The following ZMYND8 variants were observed in gnomAD, a reference collection of about 807,000 sequenced individuals.
ZMYND8 encodes zinc finger MYND-type containing 8, also known as MYND-type zinc finger-containing chromatin reader ZMYND8.
A neutral mutation model predicts 140.8 loss-of-function variants in ZMYND8; 37 were observed. The observed-to-expected ratio is 0.26, with a 90% confidence interval of 0.20 to 0.35. The LOEUF (loss-of-function observed/expected upper bound fraction) is 0.35, where lower values mean the gene tolerates loss of function less well. Ranked by LOEUF, ZMYND8 falls within the 10% of genes least tolerant of loss-of-function variation. The pLI, the probability that ZMYND8 is intolerant of heterozygous loss-of-function variation, is 1.00. For missense variants in ZMYND8, 1,068 were observed against 1,570.0 expected (o/e 0.68, Z 5.40); for synonymous variants, 592 against 597.1 (o/e 0.99, Z 0.12).
chr20:47,346,808 A>G (rs767689680), intron 2 of ZMYND8, among the ~76,000 whole-genome samples: 1 of 152,130 alleles, frequency 6.6e-6, no homozygotes, highest in Non-Finnish European at 1.5e-5. Context: ...GGGTTTCACC[A>G]TGTTGGCCAG....
At chr20:47,280,139 A>G (rs73624611) in intron 10 of ZMYND8, among the ~76,000 whole-genome samples, 171 of 148,830 alleles carry the variant, frequency 1.1e-3, no homozygotes, top group Non-Finnish European at 1.5e-3. Flanking sequence ...AAAAAAAAAA[A>G]AAAAGAATGG....
chr20:47,238,648 C>T (rs1157397647), intron 15 of ZMYND8, 110 bp downstream of exon 15: 3 of 1,520,902 alleles, frequency 2.0e-6, no homozygotes, highest in East Asian at 2.4e-5. Context: ...TACAATGGCC[C>T]GGAAACAAAC....
At chr20:47,274,940 C>A (rs6018385) in intron 11 of ZMYND8, among the ~76,000 whole-genome samples, 71 of 152,216 alleles carry the variant, frequency 4.7e-4, no homozygotes, top group African/African-American at 1.7e-3. Flanking sequence ...TTCATGGTAT[C>A]CTGAAGAACT....
chr20:47,250,273 C>G (rs12480456), intron 12 of ZMYND8, among the ~76,000 whole-genome samples: 20,996 of 152,112 alleles, frequency 0.14, 1,646 homozygotes, highest in South Asian at 0.31. Flanking sequence ...CCCACCGACT[C>G]CAGTGCCCCC....
chr20:47,227,066 G>C, intron 18 of ZMYND8, 137 bp downstream of exon 18: 1 of 916,026 alleles, frequency 1.1e-6, no homozygotes, highest in South Asian at 1.6e-5. Context: ...CAGACTCTCA[G>C]GATTCTGTGG....
At chr20:47,311,445 C>T (rs918059012) in intron 2 of ZMYND8, among the ~76,000 whole-genome samples, 6 of 150,638 alleles carry the variant, frequency 4.0e-5, no homozygotes, top group Admixed American at 1.3e-4. Flanking sequence ...ACCATGTTAA[C>T]GAGATCAAGA....
intron 2 of ZMYND8, among the ~76,000 whole-genome samples, chr20:47,327,033 G>A (rs1056215792): frequency 9.9e-5 from 15 of 152,066 alleles, no homozygotes; most frequent in African/African-American, 3.6e-4. Flanking sequence ...GAGGTGGTGC[G>A]CAAAACCAGG....
chr20:47,346,568 C>T (rs1245936541), intron 2 of ZMYND8, among the ~76,000 whole-genome samples: 3 of 152,150 alleles, frequency 2.0e-5, no homozygotes, highest in Non-Finnish European at 2.9e-5. Flanking sequence ...CAGGTCCCAG[C>T]CTTGACTACT....
chr20:47,307,614 G>C (rs2078594617), intron 3 of ZMYND8, among the ~76,000 whole-genome samples: 1 of 152,072 alleles, frequency 6.6e-6, no homozygotes, highest in African/African-American at 2.4e-5. Flanking sequence ...TCACGCCAGA[G>C]GTCAGGAGTT....
Position 47,289,384 on chromosome 20 carries a change from G to T in ZMYND8, c.748+803C>A, listed in dbSNP as rs144638122. The stretch of plus-strand genomic sequence containing the variant: ...GAATGTAAAATGATAGAACCACTTT[G>T]CAAAAACTGTTTGGTGAAACGTAGT... On this transcript the variant is annotated intron_variant, in intron 7 of 22. Coordinates refer to ENST00000471951, the MANE Select transcript of ZMYND8 (RefSeq NM_001281775.3). 6.0e-4 allele frequency among the ~76,000 whole-genome samples: 92 copies of T among 152,234 alleles called. 1 individual carries two copies. Among genetic ancestry groups the T allele is most frequent in the African/African-American group, 2.0e-3 (84 of 41,542 alleles).
At position 47,313,371 on chromosome 20, in the gene ZMYND8, C is replaced by T. The variant is rs938173336; in HGVS notation, c.86-3167G>A. Among the ~76,000 whole-genome samples the T allele has an allele frequency of 2.6e-5, 4 of 151,896 alleles. No homozygotes were observed. In the East Asian group the frequency reaches 5.8e-4, roughly 22 times the overall value. ...GGCGCAGTGGCTCACGCCTGTAATC[C>T]CAGCACTTTGGGAGGCCAAGGCGGG... On this transcript the variant is annotated intron_variant, in intron 2 of 22. Coordinates refer to ENST00000471951, the MANE Select transcript of ZMYND8 (RefSeq NM_001281775.3).
chr20:47,342,558 A>G (rs575284664), intron 2 of ZMYND8, among the ~76,000 whole-genome samples: 93 of 149,478 alleles, frequency 6.2e-4, no homozygotes, highest in Non-Finnish European at 1.2e-3. Flanking sequence ...AAAGAAAAAA[A>G]AAAAAAGCTG....
At chr20:47,304,415 C>A (rs1017973672) in intron 3 of ZMYND8, among the ~76,000 whole-genome samples, 1 of 152,248 alleles carries the variant, frequency 6.6e-6, no homozygotes, top group African/African-American at 2.4e-5. Flanking sequence ...CAAAAGCACA[C>A]ACAGACAGTA....
chr20:47,220,895 T>C (rs181699681), intron 20 of ZMYND8, among the ~76,000 whole-genome samples: 204 of 152,186 alleles, frequency 1.3e-3, no homozygotes, highest in Non-Finnish European at 2.6e-3. Context: ...CGTGGCCCAA[T>C]AGGGCAGCCA....
intron 1 of ZMYND8, chr20:47,354,635 T>G (rs1273962249): frequency 6.6e-6 from 1 of 152,178 alleles, no homozygotes; most frequent in African/African-American, 2.4e-5. Flanking sequence ...TGTCAGAAAG[T>G]GGGCTACTGG....
intron 3 of ZMYND8, among the ~76,000 whole-genome samples, chr20:47,307,071 G>A (rs559060460): frequency 1.8e-4 from 27 of 152,238 alleles, no homozygotes; most frequent in Non-Finnish European, 3.7e-4. Flanking sequence ...CTAACCCCAA[G>A]GTGATGGCAT....
chr20:47,331,878 G>T (rs760369428), intron 2 of ZMYND8, among the ~76,000 whole-genome samples: 8 of 152,202 alleles, frequency 5.3e-5, no homozygotes, highest in Admixed American at 6.5e-5. Context: ...ATTGGAGCTT[G>T]CAGGACAAAG....
At chr20:47,238,703 C>T (rs1457604512) in intron 15 of ZMYND8, 55 bp downstream of exon 15, 2 of 1,562,526 alleles carry the variant, frequency 1.3e-6, no homozygotes, top group South Asian at 2.3e-5. Context: ...TTTCTCCTGT[C>T]GATGTGGCAA....
At chr20:47,260,344 T>C (rs1196120736) in intron 12 of ZMYND8, among the ~76,000 whole-genome samples, 1 of 152,040 alleles carries the variant, frequency 6.6e-6, no homozygotes, top group Non-Finnish European at 1.5e-5. Context: ...CCTCCTGCGC[T>C]GAACCCTCCA....
Sources: allele counts gnomAD v4.1 joint callset (sites outside exome capture counted in the v4.1 genomes callset), GRCh38; gene constraint gnomAD v4.1.1; transcripts MANE v1.5; gene names NCBI Gene and HGNC (gene_info 2026-07-23, HGNC 2026-07-21).